FLT1: variants seen among roughly 807,000 people sequenced by gnomAD.
FLT1 encodes vascular endothelial growth factor receptor 1.
A neutral mutation model predicts 156.3 loss-of-function variants in FLT1; 49 were observed. That is an observed-to-expected ratio of 0.31 (90% CI 0.25 to 0.40). The LOEUF (loss-of-function observed/expected upper bound fraction) is 0.40, where lower values mean the gene tolerates loss of function less well. Among genes scored for constraint, FLT1 ranks in the 10% least tolerant of loss-of-function variants. FLT1 has a pLI of 1.00. For synonymous variants in FLT1, 594 were observed against 583.8 expected (o/e 1.02, Z -0.25); for missense variants, 1,322 against 1,637.2 (o/e 0.81, Z 3.32).
At chr13:28,384,129 A>T (rs1362338188) in intron 14 of FLT1, among the ~76,000 whole-genome samples, 1 of 152,210 alleles carries the variant, frequency 6.6e-6, no homozygotes, top group Non-Finnish European at 1.5e-5. Flanking sequence ...ATCTGCGTAG[A>T]TGAATTTAAA....
chr13:28,322,745 GT>G lies in FLT1; in HGVS notation c.2953+44del. The G allele has an allele frequency of 6.3e-7, 1 of 1,590,432 alleles. No homozygotes were observed. The highest frequency in any genetic ancestry group is 1.7e-5 in the Admixed American group (1 of 59,996). ...AAATTTCAGAGATGCATAGTATGTT[GT>G]AAAAATATCTCAGCGCGTAGGACAG... On this transcript the variant is annotated intron_variant, in intron 21 of 29. Coordinates refer to ENST00000282397, the MANE Select transcript of FLT1 (RefSeq NM_002019.4). This position sits in a 1 kb window ranked among gnomAD's most constrained non-coding sequence, Gnocchi z 4.3.
intron 14 of FLT1, among the ~76,000 whole-genome samples, chr13:28,359,782 A>G (rs1295970282): frequency 6.6e-6 from 1 of 152,226 alleles, no homozygotes; most frequent in Non-Finnish European, 1.5e-5. Flanking sequence ...ATATGAAAAA[A>G]ATACTCACCA....
In FLT1 at chr13:28,467,013, G is replaced by T; in HGVS notation, c.278C>A (p.Thr93Asn). The change falls in exon 3 of 30, where the codon ACC becomes AAC. Residue 93 changes from threonine to asparagine, a missense_variant. This residue lies in a region of FLT1 where 991 missense variants were observed against 1,254.8 expected (regional missense o/e 0.79). Coordinates refer to ENST00000282397, the MANE Select transcript of FLT1 (RefSeq NM_002019.4). Reference protein sequence around the residue: ...RNGKQFCSTLTLNTAQANHTG... With the variant: ...RNGKQFCSTLNLNTAQANHTG... ...GTGGTTTGCTTGAGCTGTGTTCAAG[G>T]TTAAAGTACTGCAGAATTGTTTGCC... 1 of 1,614,028 alleles carries T rather than the reference G, an allele frequency of 6.2e-7. No homozygotes were observed. The highest frequency in any genetic ancestry group is 8.5e-7 in the Non-Finnish European group (1 of 1,179,860).
chr13:28,320,236 AG>A (rs1215735698), intron 23 of FLT1, among the ~76,000 whole-genome samples: 6 of 152,280 alleles, frequency 3.9e-5, no homozygotes, highest in Admixed American at 2.6e-4. Flanking sequence ...AACAGAAAGG[AG>A]GGGAGGACTA....
Position 28,322,550 on chromosome 13 carries a change from T to C in FLT1, c.2954-191A>G. The C allele has an allele frequency of 2.8e-6, 2 of 722,344 alleles. No homozygotes were observed. Among genetic ancestry groups the C allele is most frequent in the Admixed American group, 2.0e-5 (1 of 50,024 alleles). 44.7% of individuals were successfully genotyped at this position (722,344 alleles called of 1,614,324 possible). ...GCCTCCAGCCCACTTTATCCAAGCA[T>C]GGGGGCAGGGGGATGATCCATTAAG... On this transcript the variant is annotated intron_variant, in intron 21 of 29. Coordinates refer to ENST00000282397, the MANE Select transcript of FLT1 (RefSeq NM_002019.4). This position sits in a 1 kb window ranked among gnomAD's most constrained non-coding sequence, Gnocchi z 4.3.
At chr13:28,455,323 A>G (rs1879198582) in intron 3 of FLT1, among the ~76,000 whole-genome samples, 1 of 152,242 alleles carries the variant, frequency 6.6e-6, no homozygotes, top group Non-Finnish European at 1.5e-5. Context: ...GGAACAGAAT[A>G]TAGAGCCCAG....
rs745948448 is a variant in FLT1 at position 28,327,578 on chromosome 13, C to T, written c.2708-28G>A. ...GCAGCCAAAACAGCACATGCTCATG[C>T]TCAGCCACACCAAGCCAGTCAGCCA... On this transcript the variant is annotated intron_variant, in intron 19 of 29. Coordinates refer to ENST00000282397, the MANE Select transcript of FLT1 (RefSeq NM_002019.4). The T allele has an allele frequency of 4.8e-6, 7 of 1,463,254 alleles. No homozygotes were observed. In the Admixed American group the frequency reaches 1.2e-4, roughly 24 times the overall value. The allele number at this position is 1,463,254 out of a possible 1,614,324, so 90.6% of individuals were successfully genotyped here. A position where few individuals can be genotyped will look rare whatever the true frequency, so the allele number is the denominator to read the frequency against.
At chr13:28,330,644 T>C (rs928173982) in intron 18 of FLT1, among the ~76,000 whole-genome samples, 1 of 146,818 alleles carries the variant, frequency 6.8e-6, no homozygotes, top group African/African-American at 2.6e-5. Context: ...ATATAGTCTA[T>C]TTAAAAAATC....
At chr13:28,416,310 T>C (rs988075913) in intron 10 of FLT1, among the ~76,000 whole-genome samples, 1 of 152,220 alleles carries the variant, frequency 6.6e-6, no homozygotes, top group African/African-American at 2.4e-5. Flanking sequence ...GTCACCACAC[T>C]GGTTTTCAGG....
At chr13:28,417,875 C>T (rs552325570) in intron 10 of FLT1, among the ~76,000 whole-genome samples, 1 of 152,172 alleles carries the variant, frequency 6.6e-6, no homozygotes, top group South Asian at 2.1e-4. Context: ...CCATTTCATT[C>T]CCTCATCAAC....
At chr13:28,420,468 G>A (rs991253193) in intron 10 of FLT1, among the ~76,000 whole-genome samples, 6 of 152,104 alleles carry the variant, frequency 3.9e-5, no homozygotes, top group African/African-American at 1.2e-4. Flanking sequence ...ACACATGGAT[G>A]GATACAAATT....
intron 13 of FLT1, chr13:28,388,471 GT>G: frequency 9.6e-7 from 1 of 1,037,442 alleles, no homozygotes; most frequent in Non-Finnish European, 1.2e-6. Flanking sequence ...TTTTTAAATA[GT>G]TTATGCAAGT....
At chr13:28,388,821 T>C in intron 13 of FLT1, 1 of 1,061,404 alleles carries the variant, frequency 9.4e-7, no homozygotes, top group African/African-American at 1.6e-5. Context: ...AATGCTGTCA[T>C]TTTAACATGA....
chr13:28,430,438 C>G (rs756398666), intron 7 of FLT1, among the ~76,000 whole-genome samples: 3 of 152,276 alleles, frequency 2.0e-5, no homozygotes, highest in Middle Eastern at 3.4e-3. Context: ...ATATCTCTAT[C>G]ACAATAACAA....
intron 1 of FLT1, among the ~76,000 whole-genome samples, chr13:28,483,611 G>A (rs1052597545): frequency 2.6e-5 from 4 of 152,146 alleles, no homozygotes; most frequent in Non-Finnish European, 4.4e-5. Context: ...GAAGGAAAAC[G>A]CTATTTTCTC....
intron 14 of FLT1, chr13:28,368,408 T>C: frequency 7.2e-7 from 1 of 1,395,726 alleles, no homozygotes; most frequent in East Asian, 2.5e-5. Context: ...TGCCTTGGCC[T>C]CCCAAAGTGC....
intron 29 of FLT1, among the ~76,000 whole-genome samples, chr13:28,305,568 T>C (rs1870708899): frequency 6.6e-6 from 1 of 152,230 alleles, no homozygotes; most frequent in Non-Finnish European, 1.5e-5. Flanking sequence ...TCTTTTCGTG[T>C]ACTCACTGGC....
intron 13 of FLT1, 132 bp downstream of exon 13, chr13:28,389,664 G>C: frequency 6.5e-7 from 1 of 1,531,104 alleles, no homozygotes; most frequent in Non-Finnish European, 8.8e-7. Flanking sequence ...AATAAATCAA[G>C]ATGATATGAG....
At chr13:28,326,005 A>G (rs978701904) in intron 20 of FLT1, among the ~76,000 whole-genome samples, 1 of 152,086 alleles carries the variant, frequency 6.6e-6, no homozygotes, top group Non-Finnish European at 1.5e-5. Context: ...ATTCTTGCCC[A>G]CATTATAAAG....
Sources: allele counts gnomAD v4.1 joint callset (sites outside exome capture counted in the v4.1 genomes callset), GRCh38; gene constraint gnomAD v4.1.1; regional missense constraint gnomAD v4.1.1; non-coding constraint Gnocchi (gnomAD v3.1); transcripts MANE v1.5; gene names NCBI Gene and HGNC (gene_info 2026-07-23, HGNC 2026-07-21).